PNPLA8: variants seen among roughly 807,000 people sequenced by gnomAD.
The protein encoded by PNPLA8 is patatin like domain 8, phospholipase A2.
PNPLA8 carries 39 observed loss-of-function variants against 76.9 expected under a neutral mutation model. The ratio of observed to expected loss-of-function variants is 0.51; its 90% CI spans 0.39 to 0.66. The LOEUF (loss-of-function observed/expected upper bound fraction) is 0.66, where lower values mean the gene tolerates loss of function less well. Ranked by LOEUF, PNPLA8 falls within the 30% of genes least tolerant of loss-of-function variation. PNPLA8 has a pLI of 0.00. For missense variants in PNPLA8, 887 were observed against 918.0 expected (o/e 0.97, Z 0.44); for synonymous variants, 301 against 307.9 (o/e 0.98, Z 0.24).
At chr7:108,522,896 C>T (rs1175890454) in intron 1 of PNPLA8, among the ~76,000 whole-genome samples, 1 of 152,108 alleles carries the variant, frequency 6.6e-6, no homozygotes, top group East Asian at 1.9e-4. Flanking sequence ...TCAGAAACTA[C>T]AACTATCAAG....
intron 2 of PNPLA8, among the ~76,000 whole-genome samples, chr7:108,516,527 C>T (rs1863354121): frequency 1.3e-5 from 2 of 152,232 alleles, no homozygotes; most frequent in African/African-American, 4.8e-5. Flanking sequence ...CTTAGATGAC[C>T]TTAGGAATGG....
intron 5 of PNPLA8, among the ~76,000 whole-genome samples, chr7:108,499,245 T>C (rs1861776402): frequency 6.6e-6 from 1 of 152,144 alleles, no homozygotes; most frequent in African/African-American, 2.4e-5. Flanking sequence ...TTGTGAGCTA[T>C]GGTTTTGGGG....
chr7:108,519,039 G>A (rs1299264185), intron 2 of PNPLA8, among the ~76,000 whole-genome samples: 1 of 143,282 alleles, frequency 7.0e-6, no homozygotes, highest in Non-Finnish European at 1.5e-5. Context: ...GTGAATGAAA[G>A]ACAAAGTGAG....
At chr7:108,488,126 AATAGAT>A (rs1306457422) in intron 8 of PNPLA8, among the ~76,000 whole-genome samples, 173 bp from the exon 9 acceptor site, 35 of 152,366 alleles carry the variant, frequency 2.3e-4, no homozygotes, top group African/African-American at 7.7e-4. Flanking sequence ...TTTGTGGGAT[AATAGAT>A]ATAAAGACTG....
chr7:108,516,338 C>T (rs571701254), intron 2 of PNPLA8, among the ~76,000 whole-genome samples: 1 of 152,226 alleles, frequency 6.6e-6, no homozygotes, highest in Non-Finnish European at 1.5e-5. Context: ...TGATCTTTGA[C>T]AAAAGAGCAA....
At chr7:108,502,074 T>A (rs982583956) in intron 5 of PNPLA8, among the ~76,000 whole-genome samples, 8 of 152,110 alleles carry the variant, frequency 5.3e-5, no homozygotes, top group South Asian at 2.1e-4. Flanking sequence ...TGTTTTATTT[T>A]AAAAATTTGA....
chr7:108,516,329 G>C (rs894582978), intron 2 of PNPLA8, among the ~76,000 whole-genome samples: 5 of 152,186 alleles, frequency 3.3e-5, no homozygotes, highest in Middle Eastern at 3.2e-3. Context: ...ACAGTTAATT[G>C]ATCTTTGACA....
At chr7:108,520,827 G>A (rs943955135) in intron 2 of PNPLA8, among the ~76,000 whole-genome samples, 7 of 151,992 alleles carry the variant, frequency 4.6e-5, no homozygotes, top group Non-Finnish European at 1.0e-4. Context: ...GATTTAGTTA[G>A]TCCACAATGA....
intron 5 of PNPLA8, among the ~76,000 whole-genome samples, chr7:108,498,001 GAAAA>G (rs201923487): frequency 1.3e-5 from 1 of 77,580 alleles, no homozygotes; most frequent in African/African-American, 5.0e-5. Flanking sequence ...CATTTCTACA[GAAAA>G]AAAAAAAAAA....
chr7:108,496,832 T>G, intron 6 of PNPLA8, 77 bp from the exon 7 acceptor site: 1 of 1,194,320 alleles, frequency 8.4e-7, no homozygotes, highest in South Asian at 1.4e-5. Context: ...AATCATAGTT[T>G]TGGCTTAAAT....
chr7:108,524,840 T>C (rs1052311173), intron 1 of PNPLA8, among the ~76,000 whole-genome samples: 1 of 152,120 alleles, frequency 6.6e-6, no homozygotes, highest in South Asian at 2.1e-4. Context: ...AAGGTGTCTA[T>C]GGCTCAGCAT....
chr7:108,514,383 C>T, intron 3 of PNPLA8, 53 bp downstream of exon 3: 4 of 1,552,250 alleles, frequency 2.6e-6, no homozygotes, highest in Non-Finnish European at 3.5e-6. Flanking sequence ...GGAAATAAAA[C>T]TTATAAATTT....
rs1259542617 is a variant in PNPLA8, at chr7:108,514,233, T to C, written c.1117A>G (p.Thr373Ala). 1 of 1,610,810 alleles carries C rather than the reference T, an allele frequency of 6.2e-7. No homozygotes were observed. Among genetic ancestry groups the C allele is most frequent in the East Asian group, 2.2e-5 (1 of 44,860 alleles). Reference protein sequence around the residue: ...TRALVQALRRTTDPKLCITRV... With the variant: ...TRALVQALRRATDPKLCITRV... ...GTAATGCAGAGCTTTGGGTCAGTTG[T>C]TCTTCTTAATGCCTGAACTAATGCC... The change falls in exon 4 of 11, where the codon ACA becomes GCA. Residue 373 changes from threonine to alanine, a missense_variant. Physicochemically the swap from Thr to Ala is moderately conservative, Grantham distance 58 (BLOSUM62 0). Coordinates refer to ENST00000257694, the MANE Select transcript of PNPLA8 (RefSeq NM_001256007.3).
chr7:108,489,487 T>G (rs1234552007), intron 8 of PNPLA8, among the ~76,000 whole-genome samples: 12 of 152,234 alleles, frequency 7.9e-5, no homozygotes, highest in Non-Finnish European at 1.6e-4. Context: ...TAGCTGGCCC[T>G]CATGTCTCTT....
At chr7:108,520,416 C>T (rs1359862817) in intron 2 of PNPLA8, among the ~76,000 whole-genome samples, 1 of 151,942 alleles carries the variant, frequency 6.6e-6, no homozygotes, top group Non-Finnish European at 1.5e-5. Context: ...ACGATAGATA[C>T]CAGAGGCTAG....
At chr7:108,488,987 C>T (rs1005303247) in intron 8 of PNPLA8, among the ~76,000 whole-genome samples, 7 of 152,236 alleles carry the variant, frequency 4.6e-5, no homozygotes, top group Non-Finnish European at 1.0e-4. Context: ...CTCTAGGCCA[C>T]TATGGATAGG....
chr7:108,514,866 T>C lies in PNPLA8; in HGVS notation c.626A>G (p.Asn209Ser), dbSNP rs1863200286. 2 of 1,609,778 alleles carry C rather than the reference T, an allele frequency of 1.2e-6. No homozygotes were observed. Among genetic ancestry groups the C allele is most frequent in the African/African-American group, 2.7e-5 (2 of 74,676 alleles). Reference sequence around the variant, plus strand: ...ACGTTTGAAATATGAATTAATATGATTTGATAAAAAGTAGAATGAGTCTCC... The same window carrying C: ...ACGTTTGAAATATGAATTAATATGACTTGATAAAAAGTAGAATGAGTCTCC... ...KFGDSFYFLS[N>S]HINSYFKRKE... Residue 209 changes from asparagine (N) to serine (S), a missense_variant, in exon 3 of 11, where the codon AAT (asparagine) becomes AGT (serine). Asn to Ser is a conservative substitution (Grantham distance 46). Transcript: ENST00000257694.
chr7:108,494,960 CTTTT>C (rs1272796547), intron 7 of PNPLA8, among the ~76,000 whole-genome samples: 4 of 151,986 alleles, frequency 2.6e-5, no homozygotes, highest in Non-Finnish European at 5.9e-5. Flanking sequence ...AAACCAAAAC[CTTTT>C]TTTAAGTTTA....
chr7:108,497,658 A>G (rs1407575727), intron 5 of PNPLA8, 81 bp from the exon 6 acceptor site: 1 of 690,944 alleles, frequency 1.4e-6, no homozygotes, highest in African/African-American at 1.9e-5. Context: ...ACAATCTAAT[A>G]ATTGCTTTTA....
Sources: gnomAD v4.1 joint callset for allele counts (sites outside exome capture counted in the v4.1 genomes callset) on GRCh38, gnomAD v4.1.1 for gene constraint, MANE v1.5 for transcripts, NCBI Gene and HGNC (gene_info 2026-07-23, HGNC 2026-07-21) for gene names.